The following LTBP4 variants were observed in gnomAD, a reference collection of about 807,000 sequenced individuals.
LTBP4 encodes the protein latent transforming growth factor beta binding protein 4.
Under a neutral mutation model 180.2 loss-of-function variants are expected in LTBP4, and 93 were observed. The ratio of observed to expected loss-of-function variants is 0.52; its 90% confidence interval spans 0.44 to 0.61. The LOEUF (loss-of-function observed/expected upper bound fraction) is 0.61. LTBP4 is among the 20% of genes least tolerant of loss of function. LTBP4 has a pLI of 0.00. For missense variants in LTBP4, 2,116 were observed against 2,256.5 expected, an observed-to-expected ratio of 0.94 and a Z score of 1.26; for synonymous variants, 947 against 934.5, an observed-to-expected ratio of 1.01 and a Z score of -0.24.
At chr19:40,615,199 G>GT (rs1555737787) in intron 19 of LTBP4, 4 of 147,914 alleles carry the variant, frequency 2.7e-5, no homozygotes, top group Admixed American at 1.3e-4. Context: ...TCGGCGGGGG[G>GT]GGGGGGGCGG....
At chr19:40,625,442 G>C (rs954677674) in intron 26 of LTBP4, among the ~76,000 whole-genome samples, 5 of 150,276 alleles carry the variant, frequency 3.3e-5, no homozygotes, top group Middle Eastern at 3.2e-3. Context: ...CACTCTCTCT[G>C]TGCTTCTTGC....
chr19:40,617,680 G>T (rs2081560422), intron 21 of LTBP4, among the ~76,000 whole-genome samples: 1 of 150,390 alleles, frequency 6.6e-6, no homozygotes, highest in South Asian at 2.1e-4. Context: ...CAGAACTGTT[G>T]TAGTGGCTGG....
In LTBP4 at chr19:40,611,987, G is replaced by A; in HGVS notation, c.2179+3G>A. Reference sequence around the variant, plus strand: ...CACTGCTGGCTCCGAGTGCGAGGGTGAGGCCGGGGAGGGAGGGAGGAGTGT... The same window carrying A: ...CACTGCTGGCTCCGAGTGCGAGGGTAAGGCCGGGGAGGGAGGGAGGAGTGT... On this transcript the variant is annotated splice_donor_region_variant and intron_variant, in intron 14 of 29. Transcript: ENST00000396819. This position sits in a 1 kb window ranked among gnomAD's most constrained non-coding sequence, Gnocchi z 4.4. The A allele has an allele frequency of 1.2e-6, 2 of 1,611,784 alleles. No individual in the cohort carries two copies. The highest frequency in any genetic ancestry group is 1.1e-5 in the South Asian group (1 of 90,738).
rs911560352 is a variant in LTBP4 at position 40,613,261 on chromosome 19, C to G, written c.2431+65C>G. 6.7e-5 allele frequency: 104 copies of G among 1,542,572 alleles called. No individual in the cohort carries two copies. In the Admixed American group the frequency reaches 2.1e-3, roughly 30 times the overall value. ...GGCCTGGGTTCCAGGGCAAAGCCGG[C>G]TGGAAAGGTGGAGGCGGGACCAAGG... On this transcript the variant is annotated intron_variant, in intron 16 of 29. Transcript: ENST00000396819. This position sits in a 1 kb window ranked among gnomAD's most constrained non-coding sequence, Gnocchi z 5.0.
At chr19:40,602,004 G>T (rs748072992) in intron 1 of LTBP4, among the ~76,000 whole-genome samples, 2 of 151,954 alleles carry the variant, frequency 1.3e-5, no homozygotes, top group African/African-American at 2.4e-5. Flanking sequence ...CCAAGCAAGA[G>T]TCTCAGGACC....
At chr19:40,597,670 G>A (rs1195615687), upstream of LTBP4, among the ~76,000 whole-genome samples, 12 of 151,788 alleles carry the variant, frequency 7.9e-5, no homozygotes, top group Non-Finnish European at 1.8e-4. Context: ...GGGGTGGGGG[G>A]CTGAGCTCTC....
Position 40,606,435 on chromosome 19 carries a change from C to A in LTBP4, c.900C>A (p.Cys300Ter). The A allele has an allele frequency of 6.3e-7, 1 of 1,590,708 alleles. No individual in the cohort carries two copies. Among genetic ancestry groups the A allele is most frequent in the Non-Finnish European group, 8.6e-7 (1 of 1,168,372 alleles). ...ATGAGTGCGCGACTGGCGGGCGCTG[C>A]CAGCACGGCGAGTGTGCAAACACGC... ...DVDECATGGR[C>*]QHGECANTRG... Residue 300 changes from cysteine (C) to a stop codon, truncating the protein, a stop_gained, in exon 6 of 30, where the codon TGC (cysteine) becomes TGA (stop). Coordinates refer to ENST00000396819, the MANE Select transcript of LTBP4 (RefSeq NM_001042545.2). LOFTEE classifies it high-confidence loss of function.
At chr19:40,603,446 AG>A (rs2081437604) in intron 1 of LTBP4, among the ~76,000 whole-genome samples, 1 of 152,184 alleles carries the variant, frequency 6.6e-6, no homozygotes, top group South Asian at 2.1e-4. Flanking sequence ...CCCTGTTTTC[AG>A]CACCGTCAAA....
At chr19:40,607,285 CATTCCCCTCT>C in intron 6 of LTBP4, 70 bp from the exon 7 acceptor site, 7 of 1,099,390 alleles carry the variant, frequency 6.4e-6, no homozygotes, top group Non-Finnish European at 6.5e-6. Context: ...ACCCCAGAAC[CATTCCCCTCT>C]CTCCCAAATC....
chr19:40,614,431 G>A lies in LTBP4; in HGVS notation c.2797G>A (p.Glu933Lys). 2 of 1,599,054 alleles carry A rather than the reference G, an allele frequency of 1.3e-6. No individual in the cohort carries two copies. The highest frequency in any genetic ancestry group is 2.2e-5 in the East Asian group (1 of 44,862). The change falls in exon 19 of 30, where the codon GAG becomes AAG. Residue 933 changes from glutamate (E) to lysine (K), a missense_variant. By Grantham distance (56) the Glu-to-Lys change is moderately conservative. Transcript: ENST00000396819. Reference protein sequence around the residue: ...DCDPGYHAGPEGTCDDVDECQ... With the variant: ...DCDPGYHAGPKGTCDDVDECQ... ...CGATCCTGGGTACCACGCGGGCCCC[G>A]AGGGCACCTGTGACGGTGAGCCTGC...
At chr19:40,608,136 C>G in intron 7 of LTBP4, 84 bp from the exon 8 acceptor site, 1 of 1,498,592 alleles carries the variant, frequency 6.7e-7, no homozygotes, top group East Asian at 2.3e-5. Context: ...CAAGCCCTGC[C>G]CCTAGCCAAG....
chr19:40,600,139 G>C, upstream of LTBP4: 2 of 1,257,306 alleles, frequency 1.6e-6, no homozygotes, highest in Non-Finnish European at 2.0e-6. This position sits in a 1 kb window ranked among gnomAD's most constrained non-coding sequence, Gnocchi z 4.4. Context: ...CTACTGAGAA[G>C]GAGGCCCCCA....
chr19:40,608,653 C>T (rs1309705305), intron 9 of LTBP4, 50 bp downstream of exon 9: 2 of 1,544,160 alleles, frequency 1.3e-6, no homozygotes, highest in Admixed American at 2.0e-5. Context: ...TGGCTCACGC[C>T]TGTAATCCCA....
At chr19:40,623,865 T>C in intron 25 of LTBP4, 71 bp from the exon 26 acceptor site, 2 of 1,600,164 alleles carry the variant, frequency 1.2e-6, no homozygotes, top group African/African-American at 2.7e-5. Context: ...ACACTGCCAA[T>C]GTGCTGGGAA....
At chr19:40,624,254 G>C (rs1269653040) in intron 26 of LTBP4, among the ~76,000 whole-genome samples, 172 bp downstream of exon 26, 1 of 147,172 alleles carries the variant, frequency 6.8e-6, no homozygotes, top group East Asian at 2.0e-4. Context: ...CTGTCTCTCT[G>C]AGGCGAGCTG....
At position 40,609,951 on chromosome 19, in the gene LTBP4, C is replaced by G. The variant is rs1406538561; in HGVS notation, c.1684+80C>G. Reference sequence around the variant, plus strand: ...CTCACTCCAGAGCCTCTCCAGCCCTCCCACGCTTCCCCTCTCGGGTCCCGC... The same window carrying G: ...CTCACTCCAGAGCCTCTCCAGCCCTGCCACGCTTCCCCTCTCGGGTCCCGC... On this transcript the variant is annotated intron_variant, in intron 11 of 29. Transcript: ENST00000396819. The surrounding 1 kb of genome is among the most constrained non-coding windows in gnomAD (Gnocchi z 4.9). 7.0e-7 allele frequency: 1 copy of G among 1,436,990 alleles called. No individual in the cohort carries two copies. The highest frequency in any genetic ancestry group is 1.4e-5 in the African/African-American group (1 of 69,970). 89.0% of individuals were successfully genotyped at this position (1,436,990 alleles called of 1,614,324 possible). A position where few individuals can be genotyped will look rare whatever the true frequency, so the allele number is the denominator to read the frequency against.
At position 40,611,979 on chromosome 19, in the gene LTBP4, G is replaced by A; in HGVS notation, c.2174G>A (p.Cys725Tyr). 1 of 1,612,094 alleles carries A rather than the reference G, an allele frequency of 6.2e-7. No homozygotes were observed. The stretch of plus-strand genomic sequence containing the variant: ...CAACCCAACACTGCTGGCTCCGAGT[G>A]CGAGGGTGAGGCCGGGGAGGGAGGG... The part of the protein sequence containing the change: ...GFQPNTAGSE[C>Y]EDVDECENHL... Residue 725 changes from cysteine to tyrosine, a missense_variant, in exon 14 of 30, where the codon TGC (cysteine) becomes TAC (tyrosine). Cys to Tyr is a radical substitution (Grantham distance 194). Transcript: ENST00000396819. This position sits in a 1 kb window ranked among gnomAD's most constrained non-coding sequence, Gnocchi z 4.4.
chr19:40,613,104 C>A lies in LTBP4; in HGVS notation c.2339C>A (p.Pro780His). 1 of 1,609,298 alleles carries A rather than the reference C, an allele frequency of 6.2e-7. No homozygotes were observed. The highest frequency in any genetic ancestry group is 1.1e-5 in the South Asian group (1 of 89,986). The part of the protein sequence containing the change: ...ECSSGAPPCG[P>H]HGHCTNTEGS... ...AGTTCGGGTGCCCCTCCCTGTGGTC[C>A]CCACGGCCACTGCACTAACACCGAA... The change falls in exon 16 of 30, where the codon CCC (proline) becomes CAC (histidine). Residue 780 changes from proline (P) to histidine (H), a missense_variant. This residue lies in a region of LTBP4 where 877 missense variants were observed against 873.6 expected (regional missense o/e 1.00). Coordinates refer to ENST00000396819, the MANE Select transcript of LTBP4 (RefSeq NM_001042545.2). The surrounding 1 kb of genome is among the most constrained non-coding windows in gnomAD (Gnocchi z 5.0).
Position 40,610,584 on chromosome 19 carries a change from G to A in LTBP4, c.1737G>A (p.Glu579=). ...CGCCGTGTGACCTCGGGCGCTGCGA[G>A]AACACGCCAGGCAGCTTCCTGTGCG... The part of the protein sequence containing the change: ...VPPPCDLGRC[E]NTPGSFLCVC... The change falls in exon 12 of 30, where the codon GAG becomes GAA. Residue 579 remains glutamate (E), a synonymous_variant. Transcript: ENST00000396819. 6.3e-7 allele frequency: 1 copy of A among 1,590,410 alleles called. No homozygotes were observed. Among genetic ancestry groups the A allele is most frequent in the Non-Finnish European group, 8.5e-7 (1 of 1,174,800 alleles).
Sources: gnomAD v4.1 joint callset for allele counts (sites outside exome capture counted in the v4.1 genomes callset) on GRCh38, gnomAD v4.1.1 for gene constraint, gnomAD v4.1.1 regional missense constraint, Gnocchi (gnomAD v3.1) non-coding constraint, MANE v1.5 for transcripts, NCBI Gene and HGNC (gene_info 2026-07-23, HGNC 2026-07-21) for gene names.